The following PATJ variants were observed in gnomAD, a reference collection of about 807,000 sequenced individuals.
The protein encoded by PATJ is inaD-like protein.
In PATJ, 190 loss-of-function variants were observed where a neutral mutation model predicts 224.9. The observed-to-expected ratio is 0.84, with a 90% CI of 0.75 to 0.95. The LOEUF (loss-of-function observed/expected upper bound fraction) is 0.95, where lower values mean the gene tolerates loss of function less well. Among genes scored for constraint, PATJ ranks in the 40% least tolerant of loss-of-function variants. PATJ has a pLI of 0.00. For missense variants in PATJ, 2,121 were observed against 2,270.3 expected (o/e 0.93, Z 1.34); for synonymous variants, 769 against 820.3 (o/e 0.94, Z 1.07).
intron 37 of PATJ, among the ~76,000 whole-genome samples, chr1:62,117,878 G>A (rs1034022465): frequency 2.6e-5 from 4 of 152,066 alleles, no homozygotes; most frequent in African/African-American, 7.2e-5. Context: ...AAACTTATAT[G>A]TGACCCCTAA....
At chr1:61,844,082 A>G (rs1196560769) in intron 17 of PATJ, among the ~76,000 whole-genome samples, 1 of 152,220 alleles carries the variant, frequency 6.6e-6, no homozygotes, top group Non-Finnish European at 1.5e-5. Flanking sequence ...AGCATATATT[A>G]CAACAGAATA....
rs557464862 is a variant in PATJ at position 62,161,331 on chromosome 1, CTTTTTTTTTTTT to C, written c.*291_*302del. The stretch of plus-strand genomic sequence containing the variant: ...GCATTTAATTTCAGTGTTCCGATTT[CTTTTTTTTTTTT>C]TTTTTTTTTTTTTGAGACGGAGTCT... On this transcript the variant is annotated 3_prime_UTR_variant, in exon 44 of 44. Coordinates refer to ENST00000642238, the MANE Select transcript of PATJ (RefSeq NM_001350145.3). The C allele has an allele frequency of 2.9e-4, 27 of 92,942 alleles. No homozygotes were observed. Among genetic ancestry groups the C allele is most frequent in the Admixed American group, 1.3e-3 (8 of 6,288 alleles). The allele number at this position is 92,942 out of a possible 1,614,324, so 5.8% of individuals were successfully genotyped here.
intron 27 of PATJ, among the ~76,000 whole-genome samples, chr1:61,935,512 G>T (rs937685072): frequency 9.2e-5 from 14 of 152,118 alleles, no homozygotes; most frequent in African/African-American, 2.9e-4. Flanking sequence ...AACCTGTGTG[G>T]CCAGGCGTAG....
chr1:61,743,897 A>G (rs1452118044), intron 1 of PATJ, among the ~76,000 whole-genome samples: 1 of 152,148 alleles, frequency 6.6e-6, no homozygotes, highest in African/African-American at 2.4e-5. Flanking sequence ...GGAGGGTAAA[A>G]GGAAACTTTT....
chr1:62,055,098 T>A (rs1654321168), intron 31 of PATJ, among the ~76,000 whole-genome samples: 1 of 152,148 alleles, frequency 6.6e-6, no homozygotes, highest in African/African-American at 2.4e-5. Flanking sequence ...AAATGGTGTT[T>A]AGTTGGTTTG....
intron 12 of PATJ, among the ~76,000 whole-genome samples, chr1:61,803,654 T>C (rs912332444): frequency 1.3e-5 from 2 of 152,214 alleles, no homozygotes; most frequent in African/African-American, 4.8e-5. Context: ...TTTGGTTATA[T>C]ATGCAAAAAT....
intron 27 of PATJ, among the ~76,000 whole-genome samples, chr1:61,961,563 T>C (rs1681284147): frequency 6.6e-6 from 1 of 152,164 alleles, no homozygotes; most frequent in Non-Finnish European, 1.5e-5. Context: ...GACAAAAAAA[T>C]ATATTTTGCA....
chr1:61,869,938 G>C (rs111403835), intron 20 of PATJ, among the ~76,000 whole-genome samples: 1 of 152,182 alleles, frequency 6.6e-6, no homozygotes, highest in Admixed American at 6.5e-5. Context: ...GGGGAGGTGC[G>C]TGCAATCCCC....
At chr1:61,891,070 A>C (rs975047923) in intron 22 of PATJ, among the ~76,000 whole-genome samples, 8 of 152,162 alleles carry the variant, frequency 5.3e-5, no homozygotes, top group African/African-American at 1.9e-4. Flanking sequence ...TAATAGGATC[A>C]AATCACAGTA....
At chr1:62,154,546 A>G (rs570449374) in intron 43 of PATJ, among the ~76,000 whole-genome samples, 1 of 151,858 alleles carries the variant, frequency 6.6e-6, no homozygotes, top group East Asian at 2.0e-4. Flanking sequence ...CTGTGATCCC[A>G]GCTACTTGGG....
At chr1:61,777,057 T>C (rs1646956759) in intron 7 of PATJ, among the ~76,000 whole-genome samples, 1 of 152,202 alleles carries the variant, frequency 6.6e-6, no homozygotes, top group Non-Finnish European at 1.5e-5. Flanking sequence ...GAACACATTT[T>C]TATTTTTATA....
chr1:61,991,010 T>C (rs1645028631), intron 28 of PATJ, among the ~76,000 whole-genome samples: 1 of 152,222 alleles, frequency 6.6e-6, no homozygotes, highest in East Asian at 1.9e-4. Flanking sequence ...CTTAGTTTGA[T>C]ACTCATTTGC....
chr1:61,899,559 A>AT lies in PATJ; in HGVS notation c.3132-17dup, dbSNP rs753301515. 2.7e-4 allele frequency: 416 copies of AT among 1,556,928 alleles called. No homozygotes were observed. In the Middle Eastern group the frequency reaches 3.4e-3, roughly 13 times the overall value. On this transcript the variant is annotated intron_variant, in intron 22 of 43. Transcript: ENST00000642238. The stretch of plus-strand genomic sequence containing the variant: ...ATGAGTATGCCCTAAAATTGTGTGT[A>AT]TTTTTTTCTTTCTCCCTCTGTAGTG...
intron 32 of PATJ, among the ~76,000 whole-genome samples, chr1:62,083,826 C>A (rs1312506334): frequency 6.6e-6 from 1 of 152,142 alleles, no homozygotes; most frequent in East Asian, 1.9e-4. Flanking sequence ...GGCATTGTTT[C>A]TTAATTAGTA....
At chr1:61,921,904 GT>G (rs1302426964) in intron 26 of PATJ, among the ~76,000 whole-genome samples, 1 of 152,032 alleles carries the variant, frequency 6.6e-6, no homozygotes, top group African/African-American at 2.4e-5. Flanking sequence ...AATGTGTGCA[GT>G]TTTGTACATG....
At chr1:61,873,373 T>C (rs1423994694) in intron 20 of PATJ, among the ~76,000 whole-genome samples, 1 of 152,052 alleles carries the variant, frequency 6.6e-6, no homozygotes, top group Admixed American at 6.6e-5. Context: ...TTTCGCCATA[T>C]TGACCAGCTT....
At chr1:61,841,526 T>C (rs752224080) in intron 17 of PATJ, among the ~76,000 whole-genome samples, 6 of 151,864 alleles carry the variant, frequency 4.0e-5, no homozygotes, top group Admixed American at 6.6e-5. Context: ...TATAAGTTAT[T>C]ATACAGTTTC....
intron 27 of PATJ, among the ~76,000 whole-genome samples, chr1:61,964,227 G>A (rs1307181572): frequency 4.0e-5 from 6 of 151,578 alleles, no homozygotes; most frequent in Admixed American, 3.3e-4. Context: ...GATTACAGGC[G>A]TGCACCACCA....
chr1:61,906,733 T>C (rs901346287), intron 24 of PATJ, among the ~76,000 whole-genome samples: 6 of 152,192 alleles, frequency 3.9e-5, no homozygotes, highest in Non-Finnish European at 7.3e-5. Flanking sequence ...GCAGCTCTGC[T>C]TATTCCAGGT....
Sources: gnomAD v4.1 joint callset for allele counts (sites outside exome capture counted in the v4.1 genomes callset) on GRCh38, gnomAD v4.1.1 for gene constraint, MANE v1.5 for transcripts, NCBI Gene and HGNC (gene_info 2026-07-23, HGNC 2026-07-21) for gene names.